CACNG3: variants seen among roughly 807,000 people sequenced by gnomAD.
The protein encoded by CACNG3 is voltage-dependent calcium channel gamma-3 subunit.
CACNG3 carries 3 observed loss-of-function variants against 28.5 expected under a neutral mutation model. The ratio of observed to expected loss-of-function variants is 0.11; its 90% CI spans 0.05 to 0.27. CACNG3 has a LOEUF of 0.27. Among genes scored for constraint, CACNG3 ranks in the 10% least tolerant of loss-of-function variants. The probability of loss-of-function intolerance (pLI) is 1.00; values close to 1 mark genes in which losing one functional copy is unlikely to be tolerated. For synonymous variants in CACNG3, 174 were observed against 162.2 expected, an observed-to-expected ratio of 1.07 and a Z score of -0.55; for missense variants, 236 against 414.4, an observed-to-expected ratio of 0.57 and a Z score of 3.74.
intron 1 of CACNG3, among the ~76,000 whole-genome samples, chr16:24,271,724 A>G (rs991139733): frequency 1.3e-5 from 2 of 152,176 alleles, no homozygotes; most frequent in African/African-American, 4.8e-5. Context: ...TGGTAAGCTC[A>G]CAACTGTGTA....
At chr16:24,349,169 G>T (rs1268941383) in intron 2 of CACNG3, among the ~76,000 whole-genome samples, 1 of 152,218 alleles carries the variant, frequency 6.6e-6, no homozygotes, top group East Asian at 1.9e-4. Context: ...TCCCTTTCCT[G>T]ACCCACAACC....
intron 1 of CACNG3, among the ~76,000 whole-genome samples, chr16:24,277,166 G>T (rs1275859176): frequency 6.6e-6 from 1 of 152,158 alleles, no homozygotes; most frequent in African/African-American, 2.4e-5. Context: ...AGGAGGGGTT[G>T]CCATGTCACC....
intron 1 of CACNG3, among the ~76,000 whole-genome samples, chr16:24,325,773 G>A (rs1899532538): frequency 6.6e-6 from 1 of 152,262 alleles, no homozygotes; most frequent in African/African-American, 2.4e-5. Context: ...TGGAGGCAAA[G>A]CTGGGACTGG....
intron 1 of CACNG3, among the ~76,000 whole-genome samples, chr16:24,262,787 G>A (rs562643302): frequency 6.6e-6 from 1 of 152,268 alleles, no homozygotes; most frequent in East Asian, 1.9e-4. Flanking sequence ...ACCTACCTTA[G>A]GAAGTAGATG....
At chr16:24,342,805 T>C (rs1362416378) in intron 1 of CACNG3, among the ~76,000 whole-genome samples, 1 of 152,210 alleles carries the variant, frequency 6.6e-6, no homozygotes, top group African/African-American at 2.4e-5. Flanking sequence ...CTTTCGATTT[T>C]TTTTTCAACT....
intron 1 of CACNG3, among the ~76,000 whole-genome samples, chr16:24,304,810 C>T (rs993419210): frequency 3.9e-5 from 6 of 152,156 alleles, no homozygotes; most frequent in Non-Finnish European, 7.4e-5. Context: ...GATCCTCCCG[C>T]CTCATCCTCC....
In CACNG3 at chr16:24,327,442, A is replaced by ATATATATATATG. The variant is rs1268529767; in HGVS notation, c.212-19281_212-19280insGTATATATATAT. Among the ~76,000 whole-genome samples the ATATATATATATG allele has an allele frequency of 2.9e-3, 314 of 106,900 alleles. 3 individuals are homozygous for ATATATATATATG. The highest frequency in any genetic ancestry group is 0.012 in the African/African-American group (309 of 26,358). The allele number at this position is 106,900 out of a possible 152,430, so 70.1% of individuals were successfully genotyped here. On this transcript the variant is annotated intron_variant, in intron 1 of 3. Coordinates refer to ENST00000005284, the MANE Select transcript of CACNG3 (RefSeq NM_006539.4). Reference sequence around the variant, plus strand: ...TATATATGTGTGTGTGTGTGTGTATATATATATATATATACACACACACAC... The same window carrying ATATATATATATG: ...TATATATGTGTGTGTGTGTGTGTATATATATATATATGTATATATATATATACACACACACAC...
At chr16:24,308,839 CA>C (rs71154298) in intron 1 of CACNG3, among the ~76,000 whole-genome samples, 2,374 of 27,186 alleles carry the variant, frequency 0.087, 3 homozygotes, top group Non-Finnish European at 0.098. Flanking sequence ...GAACCTACCT[CA>C]AAAAAAAAAA....
chr16:24,283,543 A>G (rs1898857030), intron 1 of CACNG3, among the ~76,000 whole-genome samples: 1 of 152,242 alleles, frequency 6.6e-6, no homozygotes, highest in Admixed American at 6.5e-5. Flanking sequence ...TTACAGATCT[A>G]TAATTATTTA....
chr16:24,259,843 C>T (rs1318284834), intron 1 of CACNG3, among the ~76,000 whole-genome samples: 3 of 152,174 alleles, frequency 2.0e-5, no homozygotes, highest in Admixed American at 6.5e-5. Context: ...CAAACTACAT[C>T]GTTTCCCAAC....
rs975194427 is a variant in CACNG3 at position 24,361,524 on chromosome 16, A to G, written c.609A>G (p.Lys203=). The G allele has an allele frequency of 6.2e-7, 1 of 1,614,038 alleles. No homozygotes were observed. Among genetic ancestry groups the G allele is most frequent in the Non-Finnish European group, 8.5e-7 (1 of 1,179,992 alleles). Residue 203 remains lysine, a synonymous_variant, in exon 4 of 4, where the codon AAA becomes AAG. Transcript: ENST00000005284. The surrounding 1 kb of genome is among the most constrained non-coding windows in gnomAD (Gnocchi z 6.8). ...GVVAVHIYIE[K]HQQLRAKSHS... is the part of the protein sequence containing the mutation. ...TTGCCGTGCACATCTATATTGAAAA[A>G]CATCAGCAGTTACGAGCCAAATCCC... is the stretch of plus-strand genomic sequence containing the variant.
intron 1 of CACNG3, among the ~76,000 whole-genome samples, chr16:24,269,276 T>C (rs984427728): frequency 6.6e-6 from 1 of 152,236 alleles, no homozygotes; most frequent in Non-Finnish European, 1.5e-5. Context: ...TGAATTTTTT[T>C]CCAGAAGAAA....
chr16:24,310,574 A>AAAC (rs1455418903), intron 1 of CACNG3, among the ~76,000 whole-genome samples: 1 of 152,042 alleles, frequency 6.6e-6, no homozygotes, highest in East Asian at 1.9e-4. Context: ...AAAAACAAAC[A>AAAC]AACAAACAAA....
intron 2 of CACNG3, among the ~76,000 whole-genome samples, chr16:24,348,469 G>T (rs1261383804): frequency 1.1e-4 from 16 of 152,140 alleles, no homozygotes. Context: ...GTTAATTTAT[G>T]CTACTTGTGG....
intron 1 of CACNG3, among the ~76,000 whole-genome samples, chr16:24,332,464 CAAAAAA>C (rs397955620): frequency 9.6e-5 from 13 of 135,480 alleles, no homozygotes; most frequent in African/African-American, 3.6e-4. Flanking sequence ...GACCCTGTCT[CAAAAAA>C]AAAAAAAAAG....
At chr16:24,297,979 C>G (rs1403241709) in intron 1 of CACNG3, among the ~76,000 whole-genome samples, 1 of 130,904 alleles carries the variant, frequency 7.6e-6, no homozygotes, top group Non-Finnish European at 1.6e-5. Context: ...TTTTCTTTTT[C>G]AAAAGATCTG....
At chr16:24,279,298 T>C (rs569021487) in intron 1 of CACNG3, among the ~76,000 whole-genome samples, 2 of 152,096 alleles carry the variant, frequency 1.3e-5, no homozygotes, top group Non-Finnish European at 2.9e-5. Flanking sequence ...AATAGTTTTA[T>C]TTTTATTTTT....
intron 1 of CACNG3, among the ~76,000 whole-genome samples, chr16:24,330,109 G>A (rs555149887): frequency 1.5e-4 from 23 of 152,162 alleles, no homozygotes; most frequent in Non-Finnish European, 2.6e-4. Context: ...TAAATGCCAC[G>A]CAATGAGCAT....
At position 24,277,036 on chromosome 16, in the gene CACNG3, A is replaced by C. The variant is rs567284353; in HGVS notation, c.211+20071A>C. ...ACAAACATTTATCTTGGCCAGTGCC[A>C]GGGCTTGGTTCTTGGAAATGGAGAA... On this transcript the variant is annotated intron_variant, in intron 1 of 3. Transcript: ENST00000005284. Among the ~76,000 whole-genome samples the C allele has an allele frequency of 2.6e-5, 4 of 152,310 alleles. No individual in the cohort carries two copies. In the East Asian group the frequency reaches 7.7e-4, roughly 29 times the overall value.
Sources: gnomAD v4.1 joint callset for allele counts (sites outside exome capture counted in the v4.1 genomes callset) on GRCh38, gnomAD v4.1.1 for gene constraint, Gnocchi (gnomAD v3.1) non-coding constraint, MANE v1.5 for transcripts, NCBI Gene and HGNC (gene_info 2026-07-23, HGNC 2026-07-21) for gene names.